STIM2: variants seen among roughly 807,000 people sequenced by gnomAD.
STIM2 encodes stromal interaction molecule 2.
Under a neutral mutation model 85.8 loss-of-function variants are expected in STIM2, and 31 were observed. The observed-to-expected ratio is 0.36, with a 90% CI of 0.27 to 0.49. The LOEUF is 0.49. Among genes scored for constraint, STIM2 ranks in the 20% least tolerant of loss-of-function variants. The probability of loss-of-function intolerance (pLI) is 0.98; values close to 1 mark genes in which losing one functional copy is unlikely to be tolerated. For synonymous variants in STIM2, 356 were observed against 331.1 expected, an observed-to-expected ratio of 1.08 and a Z score of -0.82; for missense variants, 841 against 927.6, an observed-to-expected ratio of 0.91 and a Z score of 1.21.
intron 3 of STIM2, among the ~76,000 whole-genome samples, chr4:26,978,811 G>A (rs904809615): frequency 1.8e-4 from 27 of 152,166 alleles, no homozygotes; most frequent in African/African-American, 6.5e-4. Context: ...TAATGACCAA[G>A]AATCACTAGA....
intron 10 of STIM2, among the ~76,000 whole-genome samples, chr4:27,015,744 TGTC>T (rs1250779980): frequency 2.6e-5 from 4 of 151,998 alleles, no homozygotes; most frequent in Middle Eastern, 3.4e-3. Flanking sequence ...TTGTCTTTGT[TGTC>T]ATATGGTTTC....
chr4:26,879,910 C>G (rs1722941075), intron 1 of STIM2, among the ~76,000 whole-genome samples: 1 of 152,112 alleles, frequency 6.6e-6, no homozygotes, highest in Non-Finnish European at 1.5e-5. Context: ...CTGCTTTTTT[C>G]TATTTTCATT....
intron 10 of STIM2, among the ~76,000 whole-genome samples, chr4:27,012,263 ATCT>A (rs942421814): frequency 6.6e-6 from 1 of 152,112 alleles, no homozygotes; most frequent in African/African-American, 2.4e-5. Flanking sequence ...CCCTTAACTA[ATCT>A]TCTGAATTTT....
chr4:26,962,039 C>T (rs1271789615), intron 3 of STIM2, among the ~76,000 whole-genome samples: 2 of 152,164 alleles, frequency 1.3e-5, no homozygotes, highest in African/African-American at 4.8e-5. Flanking sequence ...GTGGGAGTCA[C>T]CACACCCAGC....
chr4:26,941,275 T>C (rs574129410), intron 2 of STIM2, among the ~76,000 whole-genome samples: 1 of 152,292 alleles, frequency 6.6e-6, no homozygotes, highest in East Asian at 1.9e-4. Context: ...TGGAATCTTT[T>C]CTCTGTTTCT....
At chr4:26,900,369 T>G (rs987381403) in intron 1 of STIM2, among the ~76,000 whole-genome samples, 5 of 152,140 alleles carry the variant, frequency 3.3e-5, no homozygotes, top group African/African-American at 1.2e-4. Context: ...GTACATGACA[T>G]TAGGGGGAAA....
chr4:26,900,303 T>G (rs1289586614), intron 1 of STIM2, among the ~76,000 whole-genome samples: 6 of 152,182 alleles, frequency 3.9e-5, no homozygotes, highest in African/African-American at 9.6e-5. Flanking sequence ...AGAGAAGCTT[T>G]GACTTTAGCA....
chr4:26,950,191 T>A (rs1233831500), intron 2 of STIM2, among the ~76,000 whole-genome samples: 1 of 152,220 alleles, frequency 6.6e-6, no homozygotes, highest in Non-Finnish European at 1.5e-5. Context: ...TATTTCATGT[T>A]TTAAGCATTC....
chr4:26,878,804 C>T (rs937964547), intron 1 of STIM2, among the ~76,000 whole-genome samples: 2 of 152,126 alleles, frequency 1.3e-5, no homozygotes, highest in Non-Finnish European at 2.9e-5. Flanking sequence ...GGAAGCAAGG[C>T]ACATCTTACA....
At chr4:26,997,030 A>G (rs1316608902) in intron 4 of STIM2, among the ~76,000 whole-genome samples, 1 of 152,162 alleles carries the variant, frequency 6.6e-6, no homozygotes, top group Non-Finnish European at 1.5e-5. Flanking sequence ...ATAGAAAAAC[A>G]TTATAACTTC....
chr4:27,016,457 T>C (rs895945367), intron 10 of STIM2, among the ~76,000 whole-genome samples: 1 of 152,172 alleles, frequency 6.6e-6, no homozygotes, highest in African/African-American at 2.4e-5. Flanking sequence ...CTGGCAGTAG[T>C]TTCAAGGATA....
intron 1 of STIM2, among the ~76,000 whole-genome samples, chr4:26,912,463 C>G (rs1450965189): frequency 1.3e-5 from 2 of 152,102 alleles, no homozygotes; most frequent in Admixed American, 1.3e-4. Context: ...ACTGTATTCC[C>G]CACATATATC....
chr4:26,875,706 T>G (rs1722792957), intron 1 of STIM2, among the ~76,000 whole-genome samples: 1 of 152,192 alleles, frequency 6.6e-6, no homozygotes, highest in African/African-American at 2.4e-5. Context: ...GACATATTTA[T>G]AGACAATTCC....
chr4:27,020,866 G>T, intron 11 of STIM2: 6 of 723,092 alleles, frequency 8.3e-6, no homozygotes, highest in Non-Finnish European at 1.1e-5. Context: ...CAGCTGCTGG[G>T]TTATAATCAT....
Position 27,014,338 on chromosome 4 carries a change from C to G in STIM2, c.1490-3373C>G, listed in dbSNP as rs1437058976. On this transcript the variant is annotated intron_variant, in intron 10 of 11. Coordinates refer to ENST00000467087, the MANE Select transcript of STIM2 (RefSeq NM_020860.4). ...ATTTTCTCTTTAAGAACCACCTTAG[C>G]CACCTCCACAAGTTTTGATATATTA... Among the ~76,000 whole-genome samples, 8 of 151,862 alleles carry G rather than the reference C, an allele frequency of 5.3e-5. 1 individual carries two copies. The highest frequency in any genetic ancestry group is 7.4e-5 in the Non-Finnish European group (5 of 67,790).
Position 27,024,586 on chromosome 4 carries a change from A to C in STIM2, c.*1590A>C, listed in dbSNP as rs1049289750. ...CCTATAAATTGTGATTGTTTATTCT[A>C]TTACTATTGTTAAAAACTTGAATGG... On this transcript the variant is annotated 3_prime_UTR_variant, in exon 12 of 12. Coordinates refer to ENST00000467087, the MANE Select transcript of STIM2 (RefSeq NM_020860.4). 1.3e-5 allele frequency: 2 copies of C among 152,232 alleles called. No individual in the cohort carries two copies. The highest frequency in any genetic ancestry group is 2.9e-5 in the Non-Finnish European group (2 of 68,038). The allele number at this position is 152,232 out of a possible 1,614,324, so 9.4% of individuals were successfully genotyped here.
chr4:26,905,484 G>A (rs1312834255), intron 1 of STIM2, among the ~76,000 whole-genome samples: 2 of 152,172 alleles, frequency 1.3e-5, no homozygotes, highest in African/African-American at 4.8e-5. Context: ...ATATTTTGAA[G>A]ATAGAGCCAG....
intron 1 of STIM2, among the ~76,000 whole-genome samples, chr4:26,909,791 A>C (rs1018254506): frequency 6.6e-6 from 1 of 152,230 alleles, no homozygotes; most frequent in Non-Finnish European, 1.5e-5. Context: ...TCTGCCTTCC[A>C]AAACAACACA....
intron 2 of STIM2, among the ~76,000 whole-genome samples, chr4:26,923,483 T>G (rs1724889293): frequency 7.0e-6 from 1 of 142,816 alleles, no homozygotes; most frequent in African/African-American, 2.6e-5. Flanking sequence ...TGCTGAGAGA[T>G]TTTGTCACCA....
Sources: allele counts gnomAD v4.1 joint callset (sites outside exome capture counted in the v4.1 genomes callset), GRCh38; gene constraint gnomAD v4.1.1; transcripts MANE v1.5; gene names NCBI Gene and HGNC (gene_info 2026-07-23, HGNC 2026-07-21).